The following RNF150 variants were observed in gnomAD, a reference collection of about 807,000 sequenced individuals.
The protein encoded by RNF150 is ring finger protein 150.
Under a neutral mutation model 39.3 loss-of-function variants are expected in RNF150, and 24 were observed. The ratio of observed to expected loss-of-function variants is 0.61; its 90% CI spans 0.44 to 0.86. RNF150 has a LOEUF of 0.86. Among genes scored for constraint, RNF150 ranks in the 40% least tolerant of loss-of-function variants. The pLI, the probability that RNF150 is intolerant of heterozygous loss-of-function variation, is 0.00. For synonymous variants in RNF150, 255 were observed against 227.3 expected, an observed-to-expected ratio of 1.12 and a Z score of -1.10; for missense variants, 502 against 587.8, an observed-to-expected ratio of 0.85 and a Z score of 1.51.
intron 2 of RNF150, among the ~76,000 whole-genome samples, chr4:140,965,310 C>T (rs926928420): frequency 1.3e-5 from 2 of 151,956 alleles, no homozygotes; most frequent in African/African-American, 4.8e-5. Context: ...TGGGCACAGC[C>T]ATTAGGGGAA....
intron 1 of RNF150, among the ~76,000 whole-genome samples, chr4:141,127,176 C>T (rs1726775881): frequency 6.6e-6 from 1 of 152,174 alleles, no homozygotes; most frequent in Admixed American, 6.5e-5. Context: ...GTCTGTGTGA[C>T]CAAGTTAGAC....
Position 141,133,264 on chromosome 4 carries a change from G to A in RNF150, c.-456C>T. On this transcript the variant is annotated 5_prime_UTR_variant, in exon 1 of 7. Transcript: ENST00000515673. ...TGCGGGGTGCTGCCCAGGGTGTCCC[G>A]GCCGCCGCCACTGAGCGCTGGGGCG... 5.8e-6 allele frequency: 1 copy of A among 172,494 alleles called. No individual in the cohort carries two copies. The highest frequency in any genetic ancestry group is 1.2e-5 in the Non-Finnish European group (1 of 82,942). 10.7% of individuals were successfully genotyped at this position (172,494 alleles called of 1,614,324 possible). A position where few individuals can be genotyped will look rare whatever the true frequency, so the allele number is the denominator to read the frequency against.
intron 1 of RNF150, among the ~76,000 whole-genome samples, chr4:141,154,898 G>T (rs1159367991): frequency 6.6e-6 from 1 of 152,098 alleles, no homozygotes; most frequent in Non-Finnish European, 1.5e-5. Context: ...TTACCTTCAT[G>T]CCTGACTCAT....
intron 1 of RNF150, among the ~76,000 whole-genome samples, chr4:141,188,303 G>A (rs1728048132): frequency 6.6e-6 from 1 of 152,070 alleles, no homozygotes; most frequent in Admixed American, 6.6e-5. Flanking sequence ...TTCAAGCTTG[G>A]TGAATCTGAC....
intron 1 of RNF150, among the ~76,000 whole-genome samples, chr4:141,167,136 CATATAGAGCAATA>C (rs946128306): frequency 1.3e-5 from 2 of 152,038 alleles, no homozygotes; most frequent in African/African-American, 4.8e-5. Context: ...CAAAAGCATT[CATATAGAGCAATA>C]ATAGACAAGC....
intron 1 of RNF150, among the ~76,000 whole-genome samples, chr4:141,079,921 G>A (rs1433231051): frequency 6.6e-6 from 1 of 152,166 alleles, no homozygotes; most frequent in Non-Finnish European, 1.5e-5. Context: ...AAAGCAGTAA[G>A]GAGTTCACAG....
intron 5 of RNF150, among the ~76,000 whole-genome samples, chr4:140,921,329 A>C (rs1230350623): frequency 6.6e-6 from 1 of 151,898 alleles, no homozygotes; most frequent in Non-Finnish European, 1.5e-5. Context: ...ATCAGAGAAT[A>C]CTATAAACAC....
chr4:141,211,956 G>T (rs1172000325), intron 1 of RNF150, among the ~76,000 whole-genome samples: 1 of 152,156 alleles, frequency 6.6e-6, no homozygotes, highest in East Asian at 1.9e-4. Context: ...GAAATAAATA[G>T]AAGAGGAAAC....
chr4:141,137,497 A>AG (rs549826489), upstream of RNF150, among the ~76,000 whole-genome samples: 28 of 152,336 alleles, frequency 1.8e-4, no homozygotes, highest in South Asian at 5.8e-3. Flanking sequence ...AGAGGAGCCA[A>AG]GAAAGACACT....
At chr4:140,928,600 G>A (rs532460262) in intron 4 of RNF150, among the ~76,000 whole-genome samples, 1 of 152,224 alleles carries the variant, frequency 6.6e-6, no homozygotes, top group Non-Finnish European at 1.5e-5. Context: ...AGACTGGAGT[G>A]CAGTGGCAAG....
rs1728442631 is a variant in RNF150, at chr4:140,860,488, A to G, written c.*7773T>C. 1 of 152,242 alleles carries G rather than the reference A, an allele frequency of 6.6e-6. No individual in the cohort carries two copies. The highest frequency in any genetic ancestry group is 1.5e-5 in the Non-Finnish European group (1 of 68,040). 9.4% of individuals were successfully genotyped at this position (152,242 alleles called of 1,614,324 possible). ...CACACAGTCTGAATATGGAGAGGAT[A>G]GACAATGCCGAGATGGAACCATCAT... On this transcript the variant is annotated 3_prime_UTR_variant, in exon 7 of 7. Transcript: ENST00000515673.
chr4:141,037,257 C>T (rs534314018), intron 1 of RNF150, among the ~76,000 whole-genome samples: 13 of 152,234 alleles, frequency 8.5e-5, no homozygotes, highest in Middle Eastern at 3.4e-3. Context: ...AGCACAGATA[C>T]ATTCATTCCA....
At chr4:140,982,733 A>G (rs577594630) in intron 1 of RNF150, among the ~76,000 whole-genome samples, 1 of 152,184 alleles carries the variant, frequency 6.6e-6, no homozygotes, top group South Asian at 2.1e-4. Context: ...TAAGACCTTG[A>G]AGCACTCCTT....
chr4:141,075,348 C>T (rs969420903), intron 1 of RNF150, among the ~76,000 whole-genome samples: 59 of 152,208 alleles, frequency 3.9e-4, no homozygotes, highest in Admixed American at 7.2e-4. Context: ...CAGGTCCATA[C>T]TTTGCTGACC....
rs190020623 is a variant in RNF150, at chr4:140,983,240, C to T, written c.485-15367G>A. Among the ~76,000 whole-genome samples the T allele has an allele frequency of 4.6e-5, 7 of 152,196 alleles. No individual in the cohort carries two copies. In the East Asian group the frequency reaches 1.2e-3, roughly 25 times the overall value. ...CTGTATGCAGTGTTTTTCTATTTTT[C>T]ATTAACTTTTGCTCATCACTTTCAA... On this transcript the variant is annotated intron_variant, in intron 1 of 6. Transcript: ENST00000515673.
At chr4:141,101,430 A>G (rs1161878555) in intron 1 of RNF150, among the ~76,000 whole-genome samples, 3 of 152,180 alleles carry the variant, frequency 2.0e-5, no homozygotes, top group African/African-American at 7.2e-5. Context: ...TCCCATTGGA[A>G]GGTCTTCAGG....
At chr4:140,913,901 T>C (rs976663854) in intron 5 of RNF150, among the ~76,000 whole-genome samples, 4 of 152,204 alleles carry the variant, frequency 2.6e-5, no homozygotes, top group Non-Finnish European at 4.4e-5. Context: ...TAAAGTTCTA[T>C]TTAAAGGCAA....
Position 141,132,772 on chromosome 4 carries a change from C to T in RNF150, c.37G>A (p.Ala13Thr). The T allele has an allele frequency of 6.2e-7, 1 of 1,610,588 alleles. No homozygotes were observed. The highest frequency in any genetic ancestry group is 1.3e-5 in the African/African-American group (1 of 74,740). The change falls in exon 1 of 7, where the codon GCT becomes ACT. Residue 13 changes from alanine to threonine, a missense_variant. By Grantham distance (58) the Ala-to-Thr change is moderately conservative. Coordinates refer to ENST00000515673, the MANE Select transcript of RNF150 (RefSeq NM_020724.2). The surrounding 1 kb of genome is among the most constrained non-coding windows in gnomAD (Gnocchi z 4.9). ...MSLIQACCSL[A>T]LSTWLLSFCF... ...AAGGAAAGCAGCCATGTTGAGAGAG[C>T]CAGACTGCAGCACGCTTGGATGAGA... is the stretch of plus-strand genomic sequence containing the variant.
In RNF150 at chr4:141,132,716, A is replaced by G. The variant is rs762904240; in HGVS notation, c.93T>C (p.Phe31=). 6.2e-7 allele frequency: 1 copy of G among 1,609,714 alleles called. No homozygotes were observed. Among genetic ancestry groups the G allele is most frequent in the South Asian group, 1.1e-5 (1 of 90,978 alleles). The stretch of plus-strand genomic sequence containing the variant: ...ACCATTCCTCCTTCTCGGCCACGGT[A>G]AAGTCCAGGCAGAGCAGATGCACGA... The part of the protein sequence containing the change: ...FCFVHLLCLD[F]TVAEKEEWYT... The change falls in exon 1 of 7, where the codon TTT becomes TTC. Residue 31 remains phenylalanine (F), a synonymous_variant. Transcript: ENST00000515673. This position sits in a 1 kb window ranked among gnomAD's most constrained non-coding sequence, Gnocchi z 4.9.
Sources: allele counts gnomAD v4.1 joint callset (sites outside exome capture counted in the v4.1 genomes callset), GRCh38; gene constraint gnomAD v4.1.1; non-coding constraint Gnocchi (gnomAD v3.1); transcripts MANE v1.5; gene names NCBI Gene and HGNC (gene_info 2026-07-23, HGNC 2026-07-21).